GRAMD1C: variants seen among roughly 807,000 people sequenced by gnomAD.
GRAMD1C encodes GRAM domain containing 1C.
In GRAMD1C, 89 loss-of-function variants were observed where a neutral mutation model predicts 97.8. The ratio of observed to expected loss-of-function variants is 0.91; its 90% CI spans 0.77 to 1.09. The LOEUF (loss-of-function observed/expected upper bound fraction) is 1.09, where lower values mean the gene tolerates loss of function less well. GRAMD1C is among the 50% of genes least tolerant of loss of function. The probability of loss-of-function intolerance (pLI) is 0.00; values close to 1 mark genes in which losing one functional copy is unlikely to be tolerated. For missense variants in GRAMD1C, 740 were observed against 766.4 expected (o/e 0.97, Z 0.41); for synonymous variants, 256 against 267.0 (o/e 0.96, Z 0.40).
chr3:113,887,450 T>C (rs200928167), intron 6 of GRAMD1C, among the ~76,000 whole-genome samples: 2 of 151,466 alleles, frequency 1.3e-5, no homozygotes, highest in Non-Finnish European at 1.5e-5. Context: ...CCTGTAATCC[T>C]AGCACTTTGG....
intron 3 of GRAMD1C, among the ~76,000 whole-genome samples, chr3:113,874,005 G>A (rs1934932985): frequency 6.6e-6 from 1 of 152,214 alleles, no homozygotes; most frequent in African/African-American, 2.4e-5. Context: ...TTATTTACAA[G>A]AAAATTCTGT....
intron 3 of GRAMD1C, among the ~76,000 whole-genome samples, chr3:113,871,314 T>C (rs1455541733): frequency 6.6e-6 from 1 of 152,200 alleles, no homozygotes; most frequent in Non-Finnish European, 1.5e-5. Context: ...AAGCTTAATA[T>C]ATACTCATGA....
intron 6 of GRAMD1C, among the ~76,000 whole-genome samples, chr3:113,892,862 C>G (rs1935791705): frequency 6.6e-6 from 1 of 152,038 alleles, no homozygotes; most frequent in African/African-American, 2.4e-5. Context: ...TGTGCCAGCC[C>G]CCATCCGTGT....
At position 113,849,484 on chromosome 3, in the gene GRAMD1C, G is replaced by T. The variant is rs554835842; in HGVS notation, c.174+4835G>T. ...GTCCCTGGGTACTTGAGATTAGGGA[G>T]TGGTGATGACTCTTAACGAGCATGC... On this transcript the variant is annotated intron_variant, in intron 2 of 17. Transcript: ENST00000358160. Among the ~76,000 whole-genome samples the T allele has an allele frequency of 7.3e-5, 11 of 151,672 alleles. No homozygotes were observed. In the East Asian group the frequency reaches 1.4e-3, roughly 19 times the overall value.
chr3:113,886,777 G>GTTTTTTT (rs34683672), intron 6 of GRAMD1C, among the ~76,000 whole-genome samples: 21 of 80,028 alleles, frequency 2.6e-4, no homozygotes, highest in African/African-American at 4.2e-4. Context: ...TTGTTTGCTT[G>GTTTTTTT]TTTTTTTTTT....
intron 15 of GRAMD1C, chr3:113,939,326 A>G (rs1327886996): frequency 1.3e-5 from 2 of 152,172 alleles, no homozygotes; most frequent in Non-Finnish European, 2.9e-5. Flanking sequence ...GACACCATTA[A>G]TGTATATTTG....
At chr3:113,883,386 G>A (rs1157555533) in intron 6 of GRAMD1C, among the ~76,000 whole-genome samples, 3 of 152,038 alleles carry the variant, frequency 2.0e-5, no homozygotes, top group African/African-American at 4.8e-5. Flanking sequence ...TTAGCTGGGT[G>A]TGGTGACGCT....
At chr3:113,935,346 A>T (rs979512248) in intron 13 of GRAMD1C, among the ~76,000 whole-genome samples, 2 of 152,078 alleles carry the variant, frequency 1.3e-5, no homozygotes, top group African/African-American at 4.8e-5. Flanking sequence ...TGTCAGATGC[A>T]GCTTTCCTGG....
At chr3:113,849,993 CGG>C (rs1559777376) in intron 2 of GRAMD1C, among the ~76,000 whole-genome samples, 4 of 149,950 alleles carry the variant, frequency 2.7e-5, no homozygotes, top group Non-Finnish European at 6.0e-5. Flanking sequence ...ACCTCCCTCC[CGG>C]ACGGGGTGGC....
At chr3:113,884,695 T>C (rs936368667) in intron 6 of GRAMD1C, among the ~76,000 whole-genome samples, 7 of 151,666 alleles carry the variant, frequency 4.6e-5, no homozygotes, top group African/African-American at 1.7e-4. Context: ...AAAAATTAGC[T>C]GGGCGTGGTG....
At chr3:113,899,558 C>A (rs1397316271) in intron 6 of GRAMD1C, among the ~76,000 whole-genome samples, 3 of 152,136 alleles carry the variant, frequency 2.0e-5, no homozygotes, top group Non-Finnish European at 4.4e-5. Context: ...TTGTTAGGTA[C>A]TAAATAAATA....
chr3:113,838,699 A>G (rs1285907129), upstream of GRAMD1C: 3 of 372,666 alleles, frequency 8.1e-6, no homozygotes, highest in Non-Finnish European at 1.4e-5. Context: ...TGACCCCTAG[A>G]AAGACAAGCC....
At chr3:113,906,692 G>GT (rs1319038035) in intron 8 of GRAMD1C, among the ~76,000 whole-genome samples, 1 of 151,980 alleles carries the variant, frequency 6.6e-6, no homozygotes, top group Non-Finnish European at 1.5e-5. Flanking sequence ...AGTGTACGAT[G>GT]TTTATAAAGT....
At chr3:113,866,151 A>G (rs1303944629) in intron 2 of GRAMD1C, among the ~76,000 whole-genome samples, 1 of 152,164 alleles carries the variant, frequency 6.6e-6, no homozygotes, top group East Asian at 1.9e-4. Flanking sequence ...CTGTGTAGTC[A>G]TTCTATCAAT....
chr3:113,877,059 G>C (rs1301427191), intron 5 of GRAMD1C, among the ~76,000 whole-genome samples: 2 of 152,026 alleles, frequency 1.3e-5, no homozygotes, highest in African/African-American at 4.8e-5. Context: ...TGTTGCACAG[G>C]CCAGCCTCGA....
chr3:113,913,284 G>T (rs767534494), intron 9 of GRAMD1C: 18 of 364,346 alleles, frequency 4.9e-5, no homozygotes, highest in Non-Finnish European at 8.4e-5. Flanking sequence ...CAGCACTTTG[G>T]AAGGCTGAGC....
intron 1 of GRAMD1C, among the ~76,000 whole-genome samples, chr3:113,840,827 T>G (rs1709765776): frequency 6.6e-6 from 1 of 152,220 alleles, no homozygotes; most frequent in Non-Finnish European, 1.5e-5. Flanking sequence ...TGTGAGCTCC[T>G]TTGTGAGTAT....
intron 1 of GRAMD1C, among the ~76,000 whole-genome samples, chr3:113,840,567 C>T (rs1488554179): frequency 6.6e-6 from 1 of 151,760 alleles, no homozygotes; most frequent in Non-Finnish European, 1.5e-5. Context: ...AAAGCAAGAC[C>T]CTGTATCTAC....
At chr3:113,938,344 G>A in intron 15 of GRAMD1C, 1 of 399,926 alleles carries the variant, frequency 2.5e-6, no homozygotes, top group Non-Finnish European at 4.4e-6. Flanking sequence ...TTAAATTTGA[G>A]GAAATACAAA....
Sources: gnomAD v4.1 joint callset for allele counts (sites outside exome capture counted in the v4.1 genomes callset) on GRCh38, gnomAD v4.1.1 for gene constraint, MANE v1.5 for transcripts, NCBI Gene and HGNC (gene_info 2026-07-23, HGNC 2026-07-21) for gene names.